The following EPHB6 variants were observed in gnomAD, a reference collection of about 807,000 sequenced individuals.
EPHB6 encodes ephrin type-B receptor 6.
EPHB6 carries 51 observed loss-of-function variants against 107.0 expected under a neutral mutation model. The observed-to-expected ratio is 0.48, with a 90% CI of 0.38 to 0.60. The LOEUF is 0.60. Ranked by LOEUF, EPHB6 falls within the 20% of genes least tolerant of loss-of-function variation. EPHB6 has a pLI of 0.00. For missense variants in EPHB6, 1,141 were observed against 1,355.5 expected (o/e 0.84, Z 2.48); for synonymous variants, 553 against 549.0 (o/e 1.01, Z -0.10).
At position 142,869,210 on chromosome 7, in the gene EPHB6, G is replaced by A. The variant is rs1794776190; in HGVS notation, c.2460+63G>A. 2.5e-6 allele frequency: 4 copies of A among 1,581,468 alleles called. No homozygotes were observed. Among genetic ancestry groups the A allele is most frequent in the Non-Finnish European group, 2.6e-6 (3 of 1,159,894 alleles). On this transcript the variant is annotated intron_variant, in intron 16 of 19. Transcript: ENST00000652003. The surrounding 1 kb of genome is among the most constrained non-coding windows in gnomAD (Gnocchi z 4.5). ...GTGGCATGCCCCAGCAGGTGCTGGG[G>A]TCGGGGGTGAGCTGGAATCTGGGGT... is the stretch of plus-strand genomic sequence containing the variant.
chr7:142,871,004 C>T lies in EPHB6; in HGVS notation c.*100C>T, dbSNP rs1305329696. On this transcript the variant is annotated 3_prime_UTR_variant, in exon 20 of 20. Transcript: ENST00000652003. ...CAGCCTCTGTGAGAGATGCCCCACA[C>T]CAAACCCAACCCTCCCGATGGCTGC... The T allele has an allele frequency of 9.2e-7, 1 of 1,088,396 alleles. No individual in the cohort carries two copies. Among genetic ancestry groups the T allele is most frequent in the African/African-American group, 1.9e-5 (1 of 52,634 alleles). The allele number at this position is 1,088,396 out of a possible 1,614,324, so 67.4% of individuals were successfully genotyped here. A position where few individuals can be genotyped will look rare whatever the true frequency, so the allele number is the denominator to read the frequency against.
chr7:142,857,096 A>C (rs1044683491), intron 1 of EPHB6, among the ~76,000 whole-genome samples: 1 of 152,206 alleles, frequency 6.6e-6, no homozygotes, highest in Non-Finnish European at 1.5e-5. Flanking sequence ...CAGTGCACAG[A>C]GTGGCTCATT....
At position 142,870,361 on chromosome 7, in the gene EPHB6, A is replaced by T. The variant is rs2116490556; in HGVS notation, c.2758A>T (p.Ile920Phe). The T allele has an allele frequency of 1.9e-6, 3 of 1,614,200 alleles. No homozygotes were observed. The highest frequency in any genetic ancestry group is 2.5e-6 in the Non-Finnish European group (3 of 1,180,046). ...DQLVAAFDKM[I>F]RKPDTLQAGG... Reference sequence around the variant, plus strand: ...GCTGGTGGCTGCATTTGACAAGATGATCCGCAAGCCAGATACCCTGCAGGC... The same window carrying T: ...GCTGGTGGCTGCATTTGACAAGATGTTCCGCAAGCCAGATACCCTGCAGGC... Residue 920 changes from isoleucine (I) to phenylalanine (F), a missense_variant, in exon 18 of 20, where the codon ATC becomes TTC. Physicochemically the swap from Ile to Phe is conservative, Grantham distance 21 (BLOSUM62 0). This residue lies in a region of EPHB6 where 616 missense variants were observed against 759.3 expected (regional missense o/e 0.81). Transcript: ENST00000652003.
Position 142,866,856 on chromosome 7 carries a change from A to G in EPHB6, c.1588-50A>G. The G allele has an allele frequency of 6.2e-7, 1 of 1,613,756 alleles. No homozygotes were observed. Among genetic ancestry groups the G allele is most frequent in the Non-Finnish European group, 8.5e-7 (1 of 1,179,830 alleles). On this transcript the variant is annotated intron_variant, in intron 10 of 19. Coordinates refer to ENST00000652003, the MANE Select transcript of EPHB6 (RefSeq NM_004445.6). This position sits in a 1 kb window ranked among gnomAD's most constrained non-coding sequence, Gnocchi z 5.2. ...GGTGGCTGGGGGCCTTAGGGGCAGA[A>G]GCAGGGGCAAGAGGGGGCCAGGCAG... is the stretch of plus-strand genomic sequence containing the variant.
rs1169996305 is a variant in EPHB6, at chr7:142,867,909, C to T, written c.1866-88C>T. 3.1e-5 allele frequency: 47 copies of T among 1,534,410 alleles called. No individual in the cohort carries two copies. The highest frequency in any genetic ancestry group is 4.0e-5 in the Non-Finnish European group (45 of 1,133,776). ...AGGCTGTCGTCCCCCCTCCACAGACCGACTAAAGAGCAGTCTGGAGGGTGA... is the reference window on the plus strand; with the variant it reads ...AGGCTGTCGTCCCCCCTCCACAGACTGACTAAAGAGCAGTCTGGAGGGTGA... On this transcript the variant is annotated intron_variant, in intron 12 of 19. Coordinates refer to ENST00000652003, the MANE Select transcript of EPHB6 (RefSeq NM_004445.6). This position sits in a 1 kb window ranked among gnomAD's most constrained non-coding sequence, Gnocchi z 5.3.
Position 142,867,154 on chromosome 7 carries a change from C to T in EPHB6, c.1750+86C>T, listed in dbSNP as rs1794646409. ...CCCAGGGACTGTCCGGCCTTGAACC[C>T]TGGCCCCGTGCTTCCCAACCAGAAG... On this transcript the variant is annotated intron_variant, in intron 11 of 19. Transcript: ENST00000652003. This position sits in a 1 kb window ranked among gnomAD's most constrained non-coding sequence, Gnocchi z 5.3. 6.6e-7 allele frequency: 1 copy of T among 1,505,252 alleles called. No individual in the cohort carries two copies. Among genetic ancestry groups the T allele is most frequent in the Non-Finnish European group, 8.9e-7 (1 of 1,119,102 alleles). The allele number at this position is 1,505,252 out of a possible 1,614,324, so 93.2% of individuals were successfully genotyped here.
At chr7:142,865,030 C>T (rs2116431385) in intron 7 of EPHB6, among the ~76,000 whole-genome samples, 1 of 152,356 alleles carries the variant, frequency 6.6e-6, no homozygotes. Flanking sequence ...AGGAGTTTAG[C>T]TCCAGCTCCA....
In EPHB6 at chr7:142,869,998, C is replaced by T. The variant is rs1375024356; in HGVS notation, c.2610+32C>T. 2 of 1,614,054 alleles carry T rather than the reference C, an allele frequency of 1.2e-6. No homozygotes were observed. Among genetic ancestry groups the T allele is most frequent in the Admixed American group, 3.3e-5 (2 of 60,016 alleles). ...ACTGACCTAGACACTGCTGATTTCC[C>T]ACCCCGATCCCTCCCAGGTTGGAAC... On this transcript the variant is annotated intron_variant, in intron 17 of 19. Transcript: ENST00000652003. The surrounding 1 kb of genome is among the most constrained non-coding windows in gnomAD (Gnocchi z 4.5).
chr7:142,863,341 G>T lies in EPHB6; in HGVS notation c.100+14G>T, dbSNP rs1563337751. Reference sequence around the variant, plus strand: ...TGGCTCTGGAAGGTAAGAGGGAGGGGAGACAGGAGAACCCAGACCTGCCAT... The same window carrying T: ...TGGCTCTGGAAGGTAAGAGGGAGGGTAGACAGGAGAACCCAGACCTGCCAT... On this transcript the variant is annotated intron_variant, in intron 5 of 19. Coordinates refer to ENST00000652003, the MANE Select transcript of EPHB6 (RefSeq NM_004445.6). The T allele has an allele frequency of 6.2e-7, 1 of 1,612,464 alleles. No individual in the cohort carries two copies.
In EPHB6 at chr7:142,868,320, C is replaced by T. The variant is rs1426867352; in HGVS notation, c.1998C>T (p.Val666=). ...CCATCCGAGAACTTGCCCGGGAAGT[C>T]GATCCTGCTTATATCAAGATTGAGG... ...CQAIRELARE[V]DPAYIKIEEV... The change falls in exon 14 of 20, where the codon GTC becomes GTT. Residue 666 remains valine, a synonymous_variant. Coordinates refer to ENST00000652003, the MANE Select transcript of EPHB6 (RefSeq NM_004445.6). The surrounding 1 kb of genome is among the most constrained non-coding windows in gnomAD (Gnocchi z 4.2). The T allele has an allele frequency of 4.3e-6, 7 of 1,613,954 alleles. No individual in the cohort carries two copies. The highest frequency in any genetic ancestry group is 2.2e-5 in the East Asian group (1 of 44,888).
chr7:142,856,046 C>A (rs780041654), intron 1 of EPHB6, among the ~76,000 whole-genome samples: 20 of 152,236 alleles, frequency 1.3e-4, no homozygotes, highest in Non-Finnish European at 1.5e-4. Context: ...GGCACCCTCT[C>A]TCCTCCCATC....
Position 142,868,096 on chromosome 7 carries a change from G to C in EPHB6, c.1918+47G>C. 6.2e-7 allele frequency: 1 copy of C among 1,613,372 alleles called. No homozygotes were observed. The highest frequency in any genetic ancestry group is 1.7e-5 in the Admixed American group (1 of 59,964). On this transcript the variant is annotated intron_variant, in intron 13 of 19. Coordinates refer to ENST00000652003, the MANE Select transcript of EPHB6 (RefSeq NM_004445.6). This position sits in a 1 kb window ranked among gnomAD's most constrained non-coding sequence, Gnocchi z 4.2. ...GGGTGGGGCTGGGGAACACATGGGT[G>C]GGGCACATGGCAGGCAAGGCTGGAT... is the stretch of plus-strand genomic sequence containing the variant.
rs1285713661 is a variant in EPHB6 at position 142,867,421 on chromosome 7, C to G, written c.1751-187C>G. On this transcript the variant is annotated intron_variant, in intron 11 of 19. Transcript: ENST00000652003. This position sits in a 1 kb window ranked among gnomAD's most constrained non-coding sequence, Gnocchi z 5.3. ...GGATGTGTGTGTGTGTTGTGTGTCCCTGTGTGTGGATGTGGGAGGGCTGTG... is the reference window on the plus strand; with the variant it reads ...GGATGTGTGTGTGTGTTGTGTGTCCGTGTGTGTGGATGTGGGAGGGCTGTG... 3 of 667,778 alleles carry G rather than the reference C, an allele frequency of 4.5e-6. No homozygotes were observed. The East Asian group carries it at 8.2e-5, about 18-fold the overall frequency. 41.4% of individuals were successfully genotyped at this position (667,778 alleles called of 1,614,324 possible).
chr7:142,869,737 T>A lies in EPHB6; in HGVS notation c.2461-80T>A. 1 of 1,527,384 alleles carries A rather than the reference T, an allele frequency of 6.5e-7. No individual in the cohort carries two copies. Among genetic ancestry groups the A allele is most frequent in the Non-Finnish European group, 9.0e-7 (1 of 1,112,802 alleles). 94.6% of individuals were successfully genotyped at this position (1,527,384 alleles called of 1,614,324 possible). A position where few individuals can be genotyped will look rare whatever the true frequency, so the allele number is the denominator to read the frequency against. Reference sequence around the variant, plus strand: ...GATGCTTGATGTAAAACCCTTGGCATATCTGAGCACATAGTAGTTGCTCAA... The same window carrying A: ...GATGCTTGATGTAAAACCCTTGGCAAATCTGAGCACATAGTAGTTGCTCAA... On this transcript the variant is annotated intron_variant, in intron 16 of 19. Transcript: ENST00000652003. This position sits in a 1 kb window ranked among gnomAD's most constrained non-coding sequence, Gnocchi z 4.5.
intron 1 of EPHB6, among the ~76,000 whole-genome samples, chr7:142,858,058 T>A (rs1207407394): frequency 6.6e-6 from 1 of 152,200 alleles, no homozygotes; most frequent in Non-Finnish European, 1.5e-5. Context: ...ATATTTTTCT[T>A]TTTTGTTTAG....
At position 142,867,138 on chromosome 7, in the gene EPHB6, T is replaced by G. The variant is rs1212798674; in HGVS notation, c.1750+70T>G. Reference sequence around the variant, plus strand: ...GGGTAGTGAGGAGAGGCCCAGGGACTGTCCGGCCTTGAACCCTGGCCCCGT... The same window carrying G: ...GGGTAGTGAGGAGAGGCCCAGGGACGGTCCGGCCTTGAACCCTGGCCCCGT... On this transcript the variant is annotated intron_variant, in intron 11 of 19. Transcript: ENST00000652003. This position sits in a 1 kb window ranked among gnomAD's most constrained non-coding sequence, Gnocchi z 5.3. 2.6e-6 allele frequency: 4 copies of G among 1,559,740 alleles called. No individual in the cohort carries two copies. The highest frequency in any genetic ancestry group is 3.5e-6 in the Non-Finnish European group (4 of 1,153,152).
intron 8 of EPHB6, 148 bp downstream of exon 8, chr7:142,865,778 C>T: frequency 7.5e-6 from 9 of 1,199,106 alleles, no homozygotes; most frequent in Middle Eastern, 2.7e-4. Context: ...TGTCCCCACC[C>T]CCTTCTCTCC....
intron 1 of EPHB6, among the ~76,000 whole-genome samples, chr7:142,859,872 A>G (rs1802767688): frequency 6.6e-6 from 1 of 152,220 alleles, no homozygotes; most frequent in African/African-American, 2.4e-5. Flanking sequence ...AGTGGCCTTA[A>G]CATCCATGTT....
rs1445289350 is a variant in EPHB6 at position 142,867,014 on chromosome 7, G to C, written c.1696G>C (p.Ala566Pro). Residue 566 changes from alanine to proline, a missense_variant, in exon 11 of 20, where the codon GCT becomes CCT. Ala to Pro is a conservative substitution (Grantham distance 27). Transcript: ENST00000652003. The surrounding 1 kb of genome is among the most constrained non-coding windows in gnomAD (Gnocchi z 5.3). ...IYGFQVRART[A>P]AGHGPYGGKV... ...TGGTTTCCAGGTGCGGGCCCGGACT[G>C]CTGCCGGCCACGGCCCCTACGGGGG... The C allele has an allele frequency of 6.2e-7, 1 of 1,614,080 alleles. No homozygotes were observed. The highest frequency in any genetic ancestry group is 8.5e-7 in the Non-Finnish European group (1 of 1,180,006).
Sources: allele counts gnomAD v4.1 joint callset (sites outside exome capture counted in the v4.1 genomes callset), GRCh38; gene constraint gnomAD v4.1.1; regional missense constraint gnomAD v4.1.1; non-coding constraint Gnocchi (gnomAD v3.1); transcripts MANE v1.5; gene names NCBI Gene and HGNC (gene_info 2026-07-23, HGNC 2026-07-21).